The following CTNNA3 variants were observed in gnomAD, a reference collection of about 807,000 sequenced individuals.
CTNNA3 encodes catenin alpha 3.
A neutral mutation model predicts 95.7 loss-of-function variants in CTNNA3; 76 were observed. The observed-to-expected ratio is 0.79, with a 90% CI of 0.66 to 0.96. The LOEUF (loss-of-function observed/expected upper bound fraction) is 0.96. Ranked by LOEUF, CTNNA3 falls within the 40% of genes least tolerant of loss-of-function variation. The pLI is 0.00. For synonymous variants in CTNNA3, 431 were observed against 374.4 expected, an observed-to-expected ratio of 1.15 and a Z score of -1.74; for missense variants, 1,191 against 1,089.8, an observed-to-expected ratio of 1.09 and a Z score of -1.31.
chr10:66,658,244 C>CTT (rs201139121), intron 9 of CTNNA3, among the ~76,000 whole-genome samples: 9 of 138,660 alleles, frequency 6.5e-5, no homozygotes, highest in African/African-American at 2.2e-4. Context: ...CTCTCTCTCT[C>CTT]CCCCTCCCTC....
In CTNNA3 at chr10:67,726,621, A is replaced by AT. The variant is rs1564841356; in HGVS notation, c.-2+36812dup. On this transcript the variant is annotated intron_variant, in intron 1 of 17. Transcript: ENST00000684154. ...TATTACATATTATATAATATATAAT[A>AT]TATATTATATTATATATAATATATA... Among the ~76,000 whole-genome samples the AT allele has an allele frequency of 1.4e-4, 9 of 63,064 alleles. 1 individual carries two copies. The South Asian group carries it at 1.9e-3, about 13-fold the overall frequency. The allele number at this position is 63,064 out of a possible 152,430, so 41.4% of individuals were successfully genotyped here.
intron 5 of CTNNA3, among the ~76,000 whole-genome samples, chr10:67,315,152 T>A (rs1840988076): frequency 6.6e-6 from 1 of 152,230 alleles, no homozygotes; most frequent in African/African-American, 2.4e-5. Flanking sequence ...ATAATTGCCA[T>A]CTTTATTCTG....
At chr10:66,101,703 A>G (rs907823302) in intron 14 of CTNNA3, among the ~76,000 whole-genome samples, 7 of 152,176 alleles carry the variant, frequency 4.6e-5, no homozygotes, top group African/African-American at 1.7e-4. Flanking sequence ...ACATATGTCA[A>G]AGTAGATAAA....
In CTNNA3 at chr10:66,717,200, C is replaced by T. The variant is rs142948073; in HGVS notation, c.1281+49064G>A. On this transcript the variant is annotated intron_variant, in intron 9 of 17. Transcript: ENST00000433211. ...CTTGCCTGAGTTTATATAAAACCTACGCGATAGATTTCAGACCTGCCAGCC... is the reference window on the plus strand; with the variant it reads ...CTTGCCTGAGTTTATATAAAACCTATGCGATAGATTTCAGACCTGCCAGCC... 5.7e-4 allele frequency among the ~76,000 whole-genome samples: 87 copies of T among 152,150 alleles called. 1 individual carries two copies. The East Asian group carries it at 0.015, about 26-fold the overall frequency.
intron 13 of CTNNA3, among the ~76,000 whole-genome samples, chr10:66,259,434 A>G (rs1418971506): frequency 6.6e-6 from 1 of 152,164 alleles, no homozygotes; most frequent in Admixed American, 6.5e-5. Flanking sequence ...TTTGACCAAG[A>G]TATTTTCAGG....
chr10:67,006,288 G>A (rs1245348850), intron 7 of CTNNA3, among the ~76,000 whole-genome samples: 4 of 152,070 alleles, frequency 2.6e-5, no homozygotes, highest in African/African-American at 9.7e-5. Context: ...TAACTATTAA[G>A]TGGTGTGATA....
chr10:66,982,887 A>C (rs10997468), intron 7 of CTNNA3, among the ~76,000 whole-genome samples: 36,468 of 152,054 alleles, frequency 0.24, 5,540 homozygotes, highest in East Asian at 0.4. Flanking sequence ...GAAGAAGGGG[A>C]GAAGCATAAG....
chr10:66,626,584 T>C (rs1844943734), intron 9 of CTNNA3, among the ~76,000 whole-genome samples: 1 of 152,150 alleles, frequency 6.6e-6, no homozygotes, highest in South Asian at 2.1e-4. Context: ...GTTATGAAGT[T>C]CTTCTTTATA....
chr10:67,023,178 C>A (rs906911978), intron 7 of CTNNA3, among the ~76,000 whole-genome samples: 1 of 151,958 alleles, frequency 6.6e-6, no homozygotes, highest in African/African-American at 2.4e-5. Flanking sequence ...AGAACCAGAA[C>A]AGTCAAATAA....
chr10:67,639,430 A>G (rs1839444432), intron 2 of CTNNA3, among the ~76,000 whole-genome samples: 1 of 152,202 alleles, frequency 6.6e-6, no homozygotes, highest in Non-Finnish European at 1.5e-5. Context: ...CAGAGGTATG[A>G]GGAGGAGCTG....
At chr10:66,761,317 G>T (rs148364949) in intron 9 of CTNNA3, among the ~76,000 whole-genome samples, 1 of 151,988 alleles carries the variant, frequency 6.6e-6, no homozygotes, top group Non-Finnish European at 1.5e-5. Context: ...CTGATGAAAG[G>T]CTCCCATGAA....
chr10:67,564,499 G>A (rs895312855), intron 3 of CTNNA3, among the ~76,000 whole-genome samples: 1 of 91,944 alleles, frequency 1.1e-5, no homozygotes, highest in Non-Finnish European at 2.0e-5. Flanking sequence ...GTCATGGGGT[G>A]GGGGGAGGGG....
intron 12 of CTNNA3, among the ~76,000 whole-genome samples, chr10:66,323,962 A>AGTTTAGTGG (rs2092222591): frequency 6.6e-6 from 1 of 151,776 alleles, no homozygotes; most frequent in Non-Finnish European, 1.5e-5. Flanking sequence ...GAATGGTCCA[A>AGTTTAGTGG]CTCCAAGGGA....
At chr10:66,664,712 T>C (rs1846381120) in intron 9 of CTNNA3, among the ~76,000 whole-genome samples, 1 of 83,074 alleles carries the variant, frequency 1.2e-5, no homozygotes, top group Non-Finnish European at 2.2e-5. Flanking sequence ...CTGATGTTGC[T>C]AGGAAGAAAA....
Position 65,912,640 on chromosome 10 carries a change from C to T in CTNNA3, c.*7690G>A, listed in dbSNP as rs1158545001. The T allele has an allele frequency of 6.6e-6, 1 of 151,958 alleles. No individual in the cohort carries two copies. The highest frequency in any genetic ancestry group is 1.5e-5 in the Non-Finnish European group (1 of 68,002). 9.4% of individuals were successfully genotyped at this position (151,958 alleles called of 1,614,324 possible). A position where few individuals can be genotyped will look rare whatever the true frequency, so the allele number is the denominator to read the frequency against. ...GAAATTAGAATAAAGTAAAATAATA[C>T]TATATAACCAAAACAAACCCAGTGT... On this transcript the variant is annotated 3_prime_UTR_variant, in exon 18 of 18. Coordinates refer to ENST00000433211, the MANE Select transcript of CTNNA3 (RefSeq NM_013266.4).
intron 9 of CTNNA3, among the ~76,000 whole-genome samples, chr10:66,668,952 T>A (rs549542117): frequency 6.6e-6 from 1 of 152,324 alleles, no homozygotes; most frequent in African/African-American, 2.4e-5. Flanking sequence ...CCAAATTATC[T>A]AAATGAGCCA....
intron 7 of CTNNA3, among the ~76,000 whole-genome samples, chr10:67,159,142 C>T (rs186392868): frequency 5.8e-4 from 88 of 152,312 alleles, no homozygotes; most frequent in Admixed American, 3.1e-3. Flanking sequence ...CTGTGAAACT[C>T]CCTGCCCTGT....
intron 17 of CTNNA3, among the ~76,000 whole-genome samples, chr10:65,961,789 C>T (rs1049190280): frequency 6.6e-6 from 1 of 151,684 alleles, no homozygotes; most frequent in East Asian, 1.9e-4. Flanking sequence ...TGAAAGGGAC[C>T]TTCTGGAAGG....
At chr10:66,809,518 G>A (rs1267656604) in intron 7 of CTNNA3, among the ~76,000 whole-genome samples, 2 of 151,954 alleles carry the variant, frequency 1.3e-5, no homozygotes, top group African/African-American at 4.8e-5. Flanking sequence ...GATTTGAATT[G>A]TTTAGATTTA....
Sources: gnomAD v4.1 joint callset for allele counts (sites outside exome capture counted in the v4.1 genomes callset) on GRCh38, gnomAD v4.1.1 for gene constraint, MANE v1.5 for transcripts, NCBI Gene and HGNC (gene_info 2026-07-23, HGNC 2026-07-21) for gene names.